AK3: variants seen among roughly 807,000 people sequenced by gnomAD.
AK3 encodes GTP:AMP phosphotransferase AK3, mitochondrial.
In AK3, 27 loss-of-function variants were observed where a neutral mutation model predicts 23.7. The observed-to-expected ratio is 1.14, with a 90% CI of 0.84 to 1.57. The LOEUF (loss-of-function observed/expected upper bound fraction) is 1.57. Among genes scored for constraint, AK3 ranks in the 40% most tolerant of loss-of-function variants. AK3 has a pLI of 0.00. For synonymous variants in AK3, 159 were observed against 116.0 expected, an observed-to-expected ratio of 1.37 and a Z score of -2.38; for missense variants, 406 against 285.6, an observed-to-expected ratio of 1.42 and a Z score of -3.04.
At chr9:4,719,090 C>G (rs769893724) in intron 3 of AK3, 45 bp downstream of exon 3, 3 of 1,606,358 alleles carry the variant, frequency 1.9e-6, no homozygotes, top group Non-Finnish European at 2.6e-6. Context: ...GGCAAGAGGA[C>G]TCAGGGACAG....
chr9:4,720,926 T>G (rs1841879473), intron 2 of AK3, among the ~76,000 whole-genome samples: 1 of 152,144 alleles, frequency 6.6e-6, no homozygotes, highest in South Asian at 2.1e-4. Context: ...TACCTTGGTT[T>G]ACCTTGTTCC....
chr9:4,720,454 C>G (rs946057724), intron 2 of AK3, among the ~76,000 whole-genome samples: 1 of 152,056 alleles, frequency 6.6e-6, no homozygotes, highest in African/African-American at 2.4e-5. Flanking sequence ...GAGGCTGAGG[C>G]GGGAGGACTG....
chr9:4,722,362 A>AAGAT, intron 2 of AK3, 144 bp downstream of exon 2: 1 of 1,140,172 alleles, frequency 8.8e-7, no homozygotes, highest in Non-Finnish European at 1.2e-6. Context: ...GGTCCCAGAG[A>AAGAT]AGATGACTGG....
At chr9:4,728,832 CATATAT>C (rs145541536) in intron 1 of AK3, among the ~76,000 whole-genome samples, 18 of 86,844 alleles carry the variant, frequency 2.1e-4, no homozygotes, top group African/African-American at 5.1e-4. Flanking sequence ...CATGTCTCTA[CATATAT>C]ATATATATAT....
At chr9:4,727,331 G>A (rs550940529) in intron 1 of AK3, among the ~76,000 whole-genome samples, 28 of 152,306 alleles carry the variant, frequency 1.8e-4, no homozygotes, top group African/African-American at 5.8e-4. Context: ...AGGCTGTTTC[G>A]TTTACATTGA....
At position 4,728,850 on chromosome 9, in the gene AK3, T is replaced by TACACACACACAC. The variant is rs772699346; in HGVS notation, c.152-6226_152-6225insGTGTGTGTGTGT. On this transcript the variant is annotated intron_variant, in intron 1 of 4. Coordinates refer to ENST00000381809, the MANE Select transcript of AK3 (RefSeq NM_016282.4). ...GTCTCTACATATATATATATATATA[T>TACACACACACAC]ATATATATATATATATACACACACA... 1.4e-3 allele frequency among the ~76,000 whole-genome samples: 34 copies of TACACACACACAC among 23,488 alleles called. 1 individual carries two copies. The highest frequency in any genetic ancestry group is 4.8e-3 in the Admixed American group (10 of 2,098). 15.4% of individuals were successfully genotyped at this position (23,488 alleles called of 152,430 possible).
intron 1 of AK3, among the ~76,000 whole-genome samples, chr9:4,735,446 A>AATATATATATACATATATAT (rs1436157809): frequency 8.1e-6 from 1 of 123,712 alleles, no homozygotes; most frequent in Non-Finnish European, 1.6e-5. Flanking sequence ...TACATATATA[A>AATATATATATACATATATAT]ATATATACAT....
rs1842419021 is a variant in AK3 at position 4,741,032 on chromosome 9, C to T, written c.56G>A (p.Gly19Asp). The change falls in exon 1 of 5, where the codon GGC (glycine) becomes GAC (aspartate). Residue 19 changes from glycine (G) to aspartate (D), a missense_variant. By Grantham distance (94) the Gly-to-Asp change is moderately conservative. Transcript: ENST00000381809. ...RAVIMGAPGS[G>D]KGTVSSRITT... The stretch of plus-strand genomic sequence containing the variant: ...GATGCGCGACGACACGGTGCCCTTG[C>T]CCGAGCCCGGGGCCCCCATGATCAC... The T allele has an allele frequency of 6.3e-7, 1 of 1,582,320 alleles. No homozygotes were observed.
intron 2 of AK3, 99 bp downstream of exon 2, chr9:4,722,407 C>G: frequency 3.2e-6 from 5 of 1,556,206 alleles, no homozygotes; most frequent in Non-Finnish European, 3.5e-6. Context: ...TCTCCCCAAA[C>G]CACCATCCTT....
At position 4,741,073 on chromosome 9, in the gene AK3, C is replaced by A; in HGVS notation, c.15G>T (p.Ala5=). The change falls in exon 1 of 5, where the codon GCG becomes GCT. Residue 5 remains alanine, a synonymous_variant. Transcript: ENST00000381809. The part of the protein sequence containing the change: MGAS[A]RLLRAVIMGA... ...CCATGATCACCGCTCGCAGCAGCCG[C>A]GCGGACGCCCCCATGGCCGCAGACT... 3 of 1,547,878 alleles carry A rather than the reference C, an allele frequency of 1.9e-6. No homozygotes were observed. The highest frequency in any genetic ancestry group is 2.6e-6 in the Non-Finnish European group (3 of 1,149,094).
chr9:4,728,886 C>CAT (rs1554627014), intron 1 of AK3, among the ~76,000 whole-genome samples: 1 of 140,144 alleles, frequency 7.1e-6, no homozygotes, highest in African/African-American at 2.7e-5. Flanking sequence ...CACACACATA[C>CAT]ATATATATAC....
chr9:4,723,672 C>T (rs897081571), intron 1 of AK3, among the ~76,000 whole-genome samples: 3 of 152,176 alleles, frequency 2.0e-5, no homozygotes, highest in African/African-American at 4.8e-5. Context: ...AAATACTTTT[C>T]GGTGGTTTTA....
In AK3 at chr9:4,741,180, A is replaced by G. The variant is rs1842425132; in HGVS notation, c.-93T>C. The G allele has an allele frequency of 2.4e-6, 3 of 1,273,796 alleles. No individual in the cohort carries two copies. Among genetic ancestry groups the G allele is most frequent in the Non-Finnish European group, 3.0e-6 (3 of 993,590 alleles). 78.9% of individuals were successfully genotyped at this position (1,273,796 alleles called of 1,614,324 possible). ...CGGCAGCCTGCGCCGGCCGGCTAGC[A>G]GCGCCACTAGCAGGCGGCTACTGCG... On this transcript the variant is annotated 5_prime_UTR_variant, in exon 1 of 5. Coordinates refer to ENST00000381809, the MANE Select transcript of AK3 (RefSeq NM_016282.4).
rs189771264 is a variant in AK3 at position 4,722,599 on chromosome 9, T to C, written c.178A>G (p.Ile60Val). The C allele has an allele frequency of 6.2e-7, 1 of 1,614,184 alleles. No homozygotes were observed. The highest frequency in any genetic ancestry group is 1.7e-5 in the Admixed American group (1 of 60,028). ...TCTGGGATGAGTTTCCCTTGGTCAA[T>C]GAAAGCCTTGGCTAACACGCCAATT... is the stretch of plus-strand genomic sequence containing the variant. Reference protein sequence around the residue: ...TEIGVLAKAFIDQGKLIPDDV... With the variant: ...TEIGVLAKAFVDQGKLIPDDV... The change falls in exon 2 of 5, where the codon ATT becomes GTT. Residue 60 changes from isoleucine (I) to valine (V), a missense_variant. Ile to Val is a conservative substitution (Grantham distance 29, BLOSUM62 3). Transcript: ENST00000381809.
intron 4 of AK3, 35 bp downstream of exon 4, chr9:4,718,384 C>G (rs368932440): frequency 1.3e-6 from 2 of 1,491,024 alleles, no homozygotes; most frequent in Non-Finnish European, 9.3e-7. Context: ...TAGTGCACCA[C>G]TACGCAAGAG....
At position 4,709,653 on chromosome 9, in the gene AK3, G is replaced by C. The variant is rs1051060087; in HGVS notation, c.*3323C>G. Reference sequence around the variant, plus strand: ...AAAAACAAATAAAAAGCAGGAGGGGGATAAGGGCTCTACAAAGCATACTGG... The same window carrying C: ...AAAAACAAATAAAAAGCAGGAGGGGCATAAGGGCTCTACAAAGCATACTGG... On this transcript the variant is annotated 3_prime_UTR_variant, in exon 5 of 5. Transcript: ENST00000381809. The C allele has an allele frequency of 1.3e-5, 2 of 152,098 alleles. No homozygotes were observed. Among genetic ancestry groups the C allele is most frequent in the African/African-American group, 4.8e-5 (2 of 41,408 alleles). 9.4% of individuals were successfully genotyped at this position (152,098 alleles called of 1,614,324 possible).
chr9:4,733,806 C>T (rs542853253), intron 1 of AK3, among the ~76,000 whole-genome samples: 27 of 152,290 alleles, frequency 1.8e-4, no homozygotes, highest in African/African-American at 6.5e-4. Context: ...AGGAGCTCTA[C>T]ACACATGGAT....
intron 1 of AK3, among the ~76,000 whole-genome samples, chr9:4,728,541 A>G (rs1373091251): frequency 6.6e-6 from 1 of 152,240 alleles, no homozygotes; most frequent in African/African-American, 2.4e-5. Flanking sequence ...ACTGCACTCC[A>G]GCCTGGGCAA....
intron 1 of AK3, among the ~76,000 whole-genome samples, chr9:4,723,980 G>A (rs909593597): frequency 8.5e-5 from 13 of 152,132 alleles, no homozygotes; most frequent in Non-Finnish European, 1.0e-4. Context: ...TAAATTGTCA[G>A]ATTCATGAAA....
Sources: gnomAD v4.1 joint callset for allele counts (sites outside exome capture counted in the v4.1 genomes callset) on GRCh38, gnomAD v4.1.1 for gene constraint, MANE v1.5 for transcripts, NCBI Gene and HGNC (gene_info 2026-07-23, HGNC 2026-07-21) for gene names.